Variants in ENPP6 observed in about 807,000 individuals in gnomAD.
The protein encoded by ENPP6 is ectonucleotide pyrophosphatase/phosphodiesterase 6, also known as glycerophosphocholine cholinephosphodiesterase ENPP6.
Under a neutral mutation model 42.0 loss-of-function variants are expected in ENPP6, and 32 were observed. The observed-to-expected ratio is 0.76, with a 90% CI of 0.58 to 1.02. The LOEUF (loss-of-function observed/expected upper bound fraction) is 1.02. Among genes scored for constraint, ENPP6 ranks in the 50% least tolerant of loss-of-function variants. The pLI is 0.00. For missense variants in ENPP6, 552 were observed against 566.8 expected (o/e 0.97, Z 0.27); for synonymous variants, 213 against 216.0 (o/e 0.99, Z 0.12).
intron 1 of ENPP6, among the ~76,000 whole-genome samples, chr4:184,176,546 C>T (rs1455442451): frequency 6.6e-6 from 1 of 152,090 alleles, no homozygotes; most frequent in Non-Finnish European, 1.5e-5. Context: ...GCAGTGAGCA[C>T]ACCTCCTGCG....
chr4:184,194,664 G>A (rs1338636018), intron 1 of ENPP6, among the ~76,000 whole-genome samples: 1 of 152,224 alleles, frequency 6.6e-6, no homozygotes, highest in Non-Finnish European at 1.5e-5. Flanking sequence ...AGACCAGGGA[G>A]GAAAAAGAAG....
chr4:184,188,577 C>T (rs1579656298), intron 1 of ENPP6, among the ~76,000 whole-genome samples: 2 of 152,150 alleles, frequency 1.3e-5, no homozygotes, highest in East Asian at 3.8e-4. Context: ...CATGAGACCA[C>T]ACACAGGCAT....
At chr4:184,107,826 A>G (rs1736125981) in intron 6 of ENPP6, among the ~76,000 whole-genome samples, 1 of 151,766 alleles carries the variant, frequency 6.6e-6, no homozygotes, top group African/African-American at 2.4e-5. Context: ...GAGGCAGGAG[A>G]ATGGCGTGAA....
At chr4:184,091,646 C>T (rs909572473) in intron 7 of ENPP6, among the ~76,000 whole-genome samples, 9 of 152,048 alleles carry the variant, frequency 5.9e-5, no homozygotes, top group African/African-American at 2.2e-4. Flanking sequence ...GGGGCTCACA[C>T]CTGTAGTCTC....
intron 2 of ENPP6, among the ~76,000 whole-genome samples, chr4:184,129,266 G>A (rs1430926005): frequency 1.1e-5 from 1 of 91,250 alleles, no homozygotes; most frequent in Non-Finnish European, 2.3e-5. Flanking sequence ...ATGCACTGAC[G>A]TAGTACACAA....
intron 2 of ENPP6, among the ~76,000 whole-genome samples, chr4:184,130,234 C>T (rs913036102): frequency 5.9e-5 from 9 of 151,998 alleles, no homozygotes; most frequent in South Asian, 2.1e-4. Context: ...GAGGATAAGC[C>T]GATGTGCTGA....
At position 184,147,146 on chromosome 4, in the gene ENPP6, T is replaced by A. The variant is rs1490493766; in HGVS notation, c.421+6408A>T. On this transcript the variant is annotated intron_variant, in intron 2 of 7. Coordinates refer to ENST00000296741, the MANE Select transcript of ENPP6 (RefSeq NM_153343.4). ...CCCGATTCAGTGAAGAATCACCATC[T>A]ATGCAGTTCTGTGAGCAAGAAGCCC... is the stretch of plus-strand genomic sequence containing the variant. Among the ~76,000 whole-genome samples, 3 of 152,338 alleles carry A rather than the reference T, an allele frequency of 2.0e-5. No homozygotes were observed. The East Asian group carries it at 5.8e-4, about 29-fold the overall frequency.
At chr4:184,213,523 A>G (rs1268032826) in intron 1 of ENPP6, among the ~76,000 whole-genome samples, 2 of 151,982 alleles carry the variant, frequency 1.3e-5, no homozygotes, top group African/African-American at 2.4e-5. Context: ...AGAAATGCAA[A>G]TCAAAACCAC....
At chr4:184,098,827 G>A (rs1001596423) in intron 6 of ENPP6, among the ~76,000 whole-genome samples, 1 of 152,150 alleles carries the variant, frequency 6.6e-6, no homozygotes, top group Non-Finnish European at 1.5e-5. Flanking sequence ...AAGGACGAAC[G>A]GCCCATCCTT....
At chr4:184,193,988 C>T (rs368154759) in intron 1 of ENPP6, among the ~76,000 whole-genome samples, 23 of 152,186 alleles carry the variant, frequency 1.5e-4, no homozygotes, top group African/African-American at 4.3e-4. Context: ...GATCCTAATG[C>T]TATTTTTGGC....
intron 1 of ENPP6, among the ~76,000 whole-genome samples, chr4:184,195,991 A>G (rs1732789491): frequency 1.3e-5 from 2 of 152,192 alleles, no homozygotes; most frequent in South Asian, 4.2e-4. Context: ...TGGGAACTCA[A>G]CTCCCAGGCT....
intron 2 of ENPP6, among the ~76,000 whole-genome samples, chr4:184,130,499 A>T (rs1330548016): frequency 2.6e-5 from 2 of 76,470 alleles, no homozygotes; most frequent in Non-Finnish European, 2.9e-5. Context: ...CGGAGCTTGC[A>T]GTGAGCCGAG....
At chr4:184,207,452 A>G (rs1318408609) in intron 1 of ENPP6, among the ~76,000 whole-genome samples, 1 of 152,252 alleles carries the variant, frequency 6.6e-6, no homozygotes, top group Non-Finnish European at 1.5e-5. Flanking sequence ...CACTTCAGTC[A>G]AATGTGAATT....
chr4:184,199,257 G>A (rs1372171945), intron 1 of ENPP6, among the ~76,000 whole-genome samples: 2 of 152,170 alleles, frequency 1.3e-5, no homozygotes, highest in Non-Finnish European at 2.9e-5. Context: ...TCCCTCTTTG[G>A]TGGGCTCTGT....
At chr4:184,150,069 G>A (rs1238569295) in intron 2 of ENPP6, among the ~76,000 whole-genome samples, 2 of 152,058 alleles carry the variant, frequency 1.3e-5, no homozygotes, top group Non-Finnish European at 2.9e-5. Flanking sequence ...TACACTACTG[G>A]GTCATATATA....
At chr4:184,193,938 T>G (rs1329231618) in intron 1 of ENPP6, among the ~76,000 whole-genome samples, 1 of 152,212 alleles carries the variant, frequency 6.6e-6, no homozygotes, top group Non-Finnish European at 1.5e-5. Flanking sequence ...TTTCTTCTAT[T>G]AGAAGCTTTG....
chr4:184,196,600 C>G (rs1172246473), intron 1 of ENPP6, among the ~76,000 whole-genome samples: 2 of 152,152 alleles, frequency 1.3e-5, no homozygotes, highest in East Asian at 3.8e-4. Context: ...CATGTCAAAG[C>G]CTTTTGGAAG....
chr4:184,156,318 G>A (rs557504451), intron 1 of ENPP6, among the ~76,000 whole-genome samples: 1 of 152,248 alleles, frequency 6.6e-6, no homozygotes, highest in East Asian at 1.9e-4. Context: ...TGGAACAGTC[G>A]AAGTCGACTC....
intron 2 of ENPP6, among the ~76,000 whole-genome samples, chr4:184,131,230 CTTTCCTTT>C (rs1482380705): frequency 0.064 from 3,898 of 61,274 alleles, 463 homozygotes; most frequent in African/African-American, 0.1. Context: ...TTCTTTCTTT[CTTTCCTTT>C]TCTTTCTTTC....
Sources: allele counts gnomAD v4.1 joint callset (sites outside exome capture counted in the v4.1 genomes callset), GRCh38; gene constraint gnomAD v4.1.1; transcripts MANE v1.5; gene names NCBI Gene and HGNC (gene_info 2026-07-23, HGNC 2026-07-21).